The following FANCA variants were observed in gnomAD, a reference collection of about 807,000 sequenced individuals.
FANCA encodes FA complementation group A, also known as Fanconi anemia group A protein.
A neutral mutation model predicts 194.3 loss-of-function variants in FANCA; 236 were observed. That is an observed-to-expected ratio of 1.21 (90% CI 1.09 to 1.35). The LOEUF (loss-of-function observed/expected upper bound fraction) is 1.35, where lower values mean the gene tolerates loss of function less well. Among genes scored for constraint, FANCA ranks in the 40% most tolerant of loss-of-function variants. The pLI, the probability that FANCA is intolerant of heterozygous loss-of-function variation, is 0.00. For missense variants in FANCA, 2,628 were observed against 1,813.9 expected (o/e 1.45, Z -8.15); for synonymous variants, 1,014 against 715.8 (o/e 1.42, Z -6.65).
In FANCA at chr16:89,792,085, C is replaced by T. The variant is rs374672435; in HGVS notation, c.1084-17G>A. On this transcript the variant is annotated splice_polypyrimidine_tract_variant and intron_variant, in intron 12 of 42. Coordinates refer to ENST00000389301, the MANE Select transcript of FANCA (RefSeq NM_000135.4). ...CACAAAGAGCTGAAATAAAAGCATC[C>T]GCTCCCTTCAATATCCAAGCAAACC... The T allele has an allele frequency of 9.9e-6, 16 of 1,613,980 alleles. No homozygotes were observed. Among genetic ancestry groups the T allele is most frequent in the Middle Eastern group, 1.6e-4 (1 of 6,082 alleles).
At chr16:89,802,719 T>A (rs989905855) in intron 8 of FANCA, among the ~76,000 whole-genome samples, 9 of 152,148 alleles carry the variant, frequency 5.9e-5, no homozygotes, top group Admixed American at 2.0e-4. Flanking sequence ...TCTTTTTTTT[T>A]AAAGTGAAAT....
chr16:89,768,665 A>G (rs2039213170), intron 26 of FANCA, among the ~76,000 whole-genome samples: 1 of 151,322 alleles, frequency 6.6e-6, no homozygotes, highest in African/African-American at 2.5e-5. Flanking sequence ...CAAAACAAAA[A>G]CCAAAAACCA....
At chr16:89,813,139 G>T (rs374344595) in intron 3 of FANCA, among the ~76,000 whole-genome samples, 2 of 151,608 alleles carry the variant, frequency 1.3e-5, no homozygotes, top group East Asian at 1.9e-4. Flanking sequence ...GACAGATGGG[G>T]CACAGTGGCT....
chr16:89,783,989 G>A (rs186289811), intron 15 of FANCA, among the ~76,000 whole-genome samples: 12 of 152,196 alleles, frequency 7.9e-5, no homozygotes, highest in African/African-American at 2.6e-4. Flanking sequence ...TCGAACTCCT[G>A]ACCTCAAGTG....
chr16:89,739,379 G>A lies in FANCA; in HGVS notation c.4011-90C>T, dbSNP rs535784995. On this transcript the variant is annotated intron_variant, in intron 40 of 42. Coordinates refer to ENST00000389301, the MANE Select transcript of FANCA (RefSeq NM_000135.4). ...GGATACTGCTCATCTGTGGAGCAGA[G>A]GCACAGACAACCCTTCCCATCTGGC... is the stretch of plus-strand genomic sequence containing the variant. 9 of 1,580,150 alleles carry A rather than the reference G, an allele frequency of 5.7e-6. No homozygotes were observed. In the South Asian group the frequency reaches 7.9e-5, roughly 14 times the overall value.
intron 23 of FANCA, 55 bp from the exon 24 acceptor site, chr16:89,770,689 A>G: frequency 6.8e-7 from 1 of 1,474,588 alleles, no homozygotes; most frequent in Non-Finnish European, 9.3e-7. Flanking sequence ...AGCAGCAGGA[A>G]GGAAGCCGGC....
intron 10 of FANCA, among the ~76,000 whole-genome samples, chr16:89,796,350 C>A (rs1340211074): frequency 6.6e-6 from 1 of 152,136 alleles, no homozygotes; most frequent in Non-Finnish European, 1.5e-5. Flanking sequence ...GGGAGTGGAG[C>A]CCCGGGAGCC....
intron 17 of FANCA, among the ~76,000 whole-genome samples, chr16:89,782,003 T>C (rs2039728763): frequency 6.7e-6 from 1 of 149,132 alleles, no homozygotes; most frequent in Admixed American, 6.7e-5. Context: ...CGAGACTCCA[T>C]CTCAAAAAAA....
At chr16:89,798,226 C>T (rs1337417409) in intron 10 of FANCA, 2 of 511,244 alleles carry the variant, frequency 3.9e-6, no homozygotes, top group South Asian at 8.6e-5. Flanking sequence ...CTCACCAGAA[C>T]CCAACCCTAG....
At chr16:89,781,378 A>AG (rs1195407936) in intron 17 of FANCA, among the ~76,000 whole-genome samples, 1 of 149,986 alleles carries the variant, frequency 6.7e-6, no homozygotes, top group African/African-American at 2.5e-5. Context: ...AAAAAAAAAA[A>AG]AAAAAAAACA....
chr16:89,798,427 A>C, intron 10 of FANCA: 1 of 1,081,786 alleles, frequency 9.2e-7, no homozygotes, highest in Non-Finnish European at 1.1e-6. Flanking sequence ...TTAATTGAGC[A>C]GTTAAACAGT....
chr16:89,802,236 G>C (rs971994970), intron 8 of FANCA, among the ~76,000 whole-genome samples: 1 of 150,846 alleles, frequency 6.6e-6, no homozygotes, highest in Non-Finnish European at 1.5e-5. Context: ...CTGTAGCTGG[G>C]ACTACAGGCA....
Position 89,747,474 on chromosome 16 carries a change from G to A in FANCA, c.3349-584C>T, listed in dbSNP as rs144265248. Reference sequence around the variant, plus strand: ...CCAGCACTTTGGGAGGCCAAGGCGGGTGGATCACGAGGTCAGGAGTTCAAG... The same window carrying A: ...CCAGCACTTTGGGAGGCCAAGGCGGATGGATCACGAGGTCAGGAGTTCAAG... On this transcript the variant is annotated intron_variant, in intron 33 of 42. Coordinates refer to ENST00000389301, the MANE Select transcript of FANCA (RefSeq NM_000135.4). 1.9e-3 allele frequency among the ~76,000 whole-genome samples: 285 copies of A among 152,278 alleles called. 2 individuals are homozygous for A. Among genetic ancestry groups the A allele is most frequent in the Middle Eastern group, 6.8e-3 (2 of 294 alleles).
intron 14 of FANCA, chr16:89,791,023 GTTTTTTTTTTTT>G (rs11355118): frequency 2.0e-4 from 19 of 94,830 alleles, no homozygotes; most frequent in African/African-American, 4.5e-4. Flanking sequence ...GTGTGTGTGT[GTTTTTTTTTTTT>G]TTTTTTTTTT....
intron 10 of FANCA, 113 bp from the exon 11 acceptor site, chr16:89,796,131 G>A: frequency 2.5e-6 from 2 of 800,660 alleles, no homozygotes; most frequent in South Asian, 1.4e-5. Flanking sequence ...CAAGGAAGGG[G>A]CTTTCTTGGC....
At chr16:89,790,055 A>G (rs1016104511) in intron 14 of FANCA, among the ~76,000 whole-genome samples, 2 of 152,210 alleles carry the variant, frequency 1.3e-5, no homozygotes, top group Non-Finnish European at 2.9e-5. Context: ...AAAAGGAAGA[A>G]TATGTGATAC....
chr16:89,756,984 G>GT (rs1567608777), intron 30 of FANCA, among the ~76,000 whole-genome samples: 4 of 152,084 alleles, frequency 2.6e-5, no homozygotes, highest in Non-Finnish European at 5.9e-5. Flanking sequence ...TGGAAGATTT[G>GT]CTTTTTTGTT....
chr16:89,749,815 A>G lies in FANCA; in HGVS notation c.3154T>C (p.Phe1052Leu), dbSNP rs367820147. The change falls in exon 32 of 43, where the codon TTC (phenylalanine) becomes CTC (leucine). Residue 1052 changes from phenylalanine (F) to leucine (L), a missense_variant. Transcript: ENST00000389301. The part of the protein sequence containing the change: ...PSQEHFLFEI[F>L]RRRLQALTSG... ...GTCAGAGCCTGGAGCCGTCTGCGGAAAATCTCAAAGAGGAAGTGCTCCTGG... is the reference window on the plus strand; with the variant it reads ...GTCAGAGCCTGGAGCCGTCTGCGGAGAATCTCAAAGAGGAAGTGCTCCTGG... 3 of 1,614,216 alleles carry G rather than the reference A, an allele frequency of 1.9e-6. No homozygotes were observed. Among genetic ancestry groups the G allele is most frequent in the African/African-American group, 2.7e-5 (2 of 75,052 alleles).
intron 22 of FANCA, among the ~76,000 whole-genome samples, chr16:89,772,847 T>G (rs1169525553): frequency 6.6e-6 from 1 of 151,086 alleles, no homozygotes; most frequent in Non-Finnish European, 1.5e-5. Context: ...AGAAACTGCA[T>G]GTTCTCAATC....
Sources: allele counts gnomAD v4.1 joint callset (sites outside exome capture counted in the v4.1 genomes callset), GRCh38; gene constraint gnomAD v4.1.1; transcripts MANE v1.5; gene names NCBI Gene and HGNC (gene_info 2026-07-23, HGNC 2026-07-21).